The following GRM1 variants were observed in gnomAD, a reference collection of about 807,000 sequenced individuals.
GRM1 encodes the protein metabotropic glutamate receptor 1.
A neutral mutation model predicts 90.9 loss-of-function variants in GRM1; 33 were observed. That is an observed-to-expected ratio of 0.36 (90% CI 0.28 to 0.49). The LOEUF (loss-of-function observed/expected upper bound fraction) is 0.49. Among genes scored for constraint, GRM1 ranks in the 20% least tolerant of loss-of-function variants. The pLI is 0.99. For synonymous variants in GRM1, 700 were observed against 613.2 expected (o/e 1.14, Z -2.09); for missense variants, 1,190 against 1,534.3 (o/e 0.78, Z 3.75).
intron 2 of GRM1, among the ~76,000 whole-genome samples, chr6:146,274,737 G>A (rs1281795742): frequency 2.0e-5 from 3 of 152,168 alleles, no homozygotes; most frequent in African/African-American, 7.2e-5. Flanking sequence ...TATGAATGAA[G>A]AAAACAGAGG....
At chr6:146,349,865 T>A (rs1343223812) in intron 3 of GRM1, among the ~76,000 whole-genome samples, 2 of 152,218 alleles carry the variant, frequency 1.3e-5, no homozygotes, top group African/African-American at 4.8e-5. Flanking sequence ...TATGTACATA[T>A]ATTTACGTGT....
intron 1 of GRM1, among the ~76,000 whole-genome samples, chr6:146,100,390 A>G (rs1197304583): frequency 6.6e-6 from 1 of 152,138 alleles, no homozygotes; most frequent in Non-Finnish European, 1.5e-5. Flanking sequence ...CAAAATTATG[A>G]AGATATTTAC....
At chr6:146,117,239 T>C (rs1451354311) in intron 1 of GRM1, among the ~76,000 whole-genome samples, 1 of 151,574 alleles carries the variant, frequency 6.6e-6, no homozygotes, top group African/African-American at 2.4e-5. Context: ...ATTATATTTA[T>C]TGTATTCTCT....
At chr6:146,266,995 G>A (rs527315095) in intron 2 of GRM1, among the ~76,000 whole-genome samples, 2 of 152,130 alleles carry the variant, frequency 1.3e-5, no homozygotes, top group Non-Finnish European at 2.9e-5. Context: ...CATCACCTAG[G>A]TATTAAGCCC....
intron 1 of GRM1, among the ~76,000 whole-genome samples, chr6:146,075,781 A>G (rs1776163888): frequency 6.6e-6 from 1 of 152,138 alleles, no homozygotes; most frequent in South Asian, 2.1e-4. Flanking sequence ...ACTCATTGAC[A>G]TTCCTTGGCT....
intron 1 of GRM1, among the ~76,000 whole-genome samples, chr6:146,134,146 G>C (rs1776517098): frequency 6.6e-6 from 1 of 152,166 alleles, no homozygotes; most frequent in South Asian, 2.1e-4. Context: ...TTCTCCTGCA[G>C]CATATTGAAT....
intron 2 of GRM1, among the ~76,000 whole-genome samples, chr6:146,276,247 T>C (rs1583261242): frequency 6.6e-6 from 1 of 152,328 alleles, no homozygotes; most frequent in East Asian, 1.9e-4. Flanking sequence ...AAATGGATTC[T>C]AATTCTTCAT....
At chr6:146,338,817 C>T (rs1037790546) in intron 3 of GRM1, among the ~76,000 whole-genome samples, 2 of 152,220 alleles carry the variant, frequency 1.3e-5, no homozygotes, top group East Asian at 1.9e-4. Flanking sequence ...CCTCCACACT[C>T]GGTATCTCCT....
intron 1 of GRM1, among the ~76,000 whole-genome samples, chr6:146,121,013 T>C (rs907320678): frequency 1.3e-5 from 2 of 152,210 alleles, no homozygotes; most frequent in South Asian, 2.1e-4. Flanking sequence ...GAAGGAATGG[T>C]ATCAACTCCT....
chr6:146,100,190 C>A (rs957553111), intron 1 of GRM1, among the ~76,000 whole-genome samples: 3 of 152,104 alleles, frequency 2.0e-5, no homozygotes, highest in Non-Finnish European at 2.9e-5. Flanking sequence ...AGCTTTTGTT[C>A]AAGTTCAGTT....
intron 2 of GRM1, among the ~76,000 whole-genome samples, chr6:146,191,757 G>T (rs141437710): frequency 5.9e-5 from 9 of 151,314 alleles, no homozygotes; most frequent in African/African-American, 1.5e-4. Flanking sequence ...TCCATCTTTG[G>T]TTGGATCTTT....
chr6:146,372,884 C>T (rs1775954921), intron 5 of GRM1, among the ~76,000 whole-genome samples: 1 of 151,980 alleles, frequency 6.6e-6, no homozygotes, highest in South Asian at 2.1e-4. Flanking sequence ...AATTTGAAGT[C>T]AGGTAATGAA....
intron 2 of GRM1, among the ~76,000 whole-genome samples, chr6:146,303,645 A>G (rs1050592257): frequency 1.3e-5 from 2 of 152,144 alleles, no homozygotes; most frequent in Admixed American, 6.5e-5. Context: ...ACAATTAGCA[A>G]ACACAGATGC....
At chr6:146,216,034 G>A (rs967750495) in intron 2 of GRM1, among the ~76,000 whole-genome samples, 3 of 152,170 alleles carry the variant, frequency 2.0e-5, no homozygotes, top group Non-Finnish European at 4.4e-5. Flanking sequence ...TGGGATTACA[G>A]GCGTGAGCCA....
At chr6:146,030,272 T>C in intron 1 of GRM1, 55 bp downstream of exon 1, 1 of 1,167,584 alleles carries the variant, frequency 8.6e-7, no homozygotes, top group Non-Finnish European at 1.3e-6. Flanking sequence ...CAATGCATGA[T>C]GTGCTCCTGG....
chr6:146,291,107 C>T (rs9497522), intron 2 of GRM1, among the ~76,000 whole-genome samples: 17,493 of 152,010 alleles, frequency 0.12, 2,002 homozygotes, highest in African/African-American at 0.3. Context: ...TTGGCATTTG[C>T]CTTAAATTAT....
At chr6:146,425,621 C>G (rs1222209663) in intron 7 of GRM1, among the ~76,000 whole-genome samples, 2 of 152,156 alleles carry the variant, frequency 1.3e-5, no homozygotes, top group South Asian at 4.1e-4. Context: ...TGCATCATGG[C>G]CAGAGTCCCC....
intron 1 of GRM1, among the ~76,000 whole-genome samples, chr6:146,158,583 C>T (rs1777602300): frequency 6.6e-6 from 1 of 152,110 alleles, no homozygotes; most frequent in Admixed American, 6.5e-5. Flanking sequence ...TGAAAATCCT[C>T]AAACTTCGGG....
At chr6:146,082,569 T>C (rs146759179) in intron 1 of GRM1, among the ~76,000 whole-genome samples, 361 of 152,306 alleles carry the variant, frequency 2.4e-3, no homozygotes, top group African/African-American at 8.0e-3. Context: ...TTTCTCTACC[T>C]CTTCCCATAT....
Sources: allele counts gnomAD v4.1 joint callset (sites outside exome capture counted in the v4.1 genomes callset), GRCh38; gene constraint gnomAD v4.1.1; transcripts MANE v1.5; gene names NCBI Gene and HGNC (gene_info 2026-07-23, HGNC 2026-07-21).